Variants in ACOT8 observed in about 807,000 individuals in gnomAD.
ACOT8 encodes the protein acyl-coenzyme A thioesterase 8.
A neutral mutation model predicts 38.4 loss-of-function variants in ACOT8; 31 were observed. That is an observed-to-expected ratio of 0.81 (90% CI 0.61 to 1.09). ACOT8 has a LOEUF of 1.09. Among genes scored for constraint, ACOT8 ranks in the 50% least tolerant of loss-of-function variants. The pLI is 0.00. For synonymous variants in ACOT8, 158 were observed against 170.3 expected (o/e 0.93, Z 0.56); for missense variants, 373 against 421.8 (o/e 0.88, Z 1.01).
intron 3 of ACOT8, 41 bp from the exon 4 acceptor site, chr20:45,844,461 G>C (rs1249534041): frequency 6.2e-7 from 1 of 1,604,130 alleles, no homozygotes; most frequent in South Asian, 1.1e-5. Context: ...GACCCAGGAA[G>C]AGAGGGAGTC....
chr20:45,842,920 A>G, intron 5 of ACOT8: 2 of 1,006,222 alleles, frequency 2.0e-6, no homozygotes, highest in South Asian at 4.1e-5. Flanking sequence ...TCCCTTGGAA[A>G]GGAGGTCAGG....
In ACOT8 at chr20:45,844,417, G is replaced by T. The variant is rs775526179; in HGVS notation, c.492C>A (p.Asp164Glu). 4 of 1,613,702 alleles carry T rather than the reference G, an allele frequency of 2.5e-6. No homozygotes were observed. In the South Asian group the frequency reaches 4.4e-5, roughly 18 times the overall value. The stretch of plus-strand genomic sequence containing the variant: ...ATGGGTACCTCTTTTGGAGGTTAGG[G>T]TCCCTGAAAGTAAAGGGAAGAGGGT... The part of the protein sequence containing the change: ...CETLIDQYLR[D>E]PNLQKRYPLA... Residue 164 changes from aspartate to glutamate, a missense_variant, in exon 4 of 6, where the codon GAC becomes GAA. By Grantham distance (45) the Asp-to-Glu change is conservative (BLOSUM62 2). Transcript: ENST00000217455.
At chr20:45,855,407 A>G in intron 1 of ACOT8, 115 bp from the exon 2 acceptor site, 1 of 1,381,164 alleles carries the variant, frequency 7.2e-7, no homozygotes, top group Non-Finnish European at 9.9e-7. Flanking sequence ...GATCCTTTTG[A>G]GAATATGGTA....
chr20:45,844,398 A>T lies in ACOT8; in HGVS notation c.511T>A (p.Tyr171Asn), dbSNP rs1984520102. ...GCAATTCGGTTGAGCGCCAATGGGT[A>T]CCTCTTTTGGAGGTTAGGGTCCCTG... ...YLRDPNLQKR[Y>N]PLALNRIAAQ... Residue 171 changes from tyrosine (Y) to asparagine (N), a missense_variant, in exon 4 of 6, where the codon TAC becomes AAC. Tyr to Asn is a moderately radical substitution (Grantham distance 143). Transcript: ENST00000217455. 6.2e-7 allele frequency: 1 copy of T among 1,613,702 alleles called. No individual in the cohort carries two copies. Among genetic ancestry groups the T allele is most frequent in the Admixed American group, 1.7e-5 (1 of 59,954 alleles).
intron 4 of ACOT8, chr20:45,843,929 TCAC>T: frequency 9.3e-7 from 1 of 1,069,722 alleles, no homozygotes; most frequent in Non-Finnish European, 1.3e-6. Context: ...AATTCAGTCT[TCAC>T]CACCCAAGTC....
rs765289706 is a variant in ACOT8 at position 45,844,444 on chromosome 20, G to A, written c.489-24C>T. ...CCCTGAAAGTAAAGGGAAGAGGGTC[G>A]GGGTGAGACCCAGGAAGAGAGGGAG... On this transcript the variant is annotated intron_variant, in intron 3 of 5. Transcript: ENST00000217455. The A allele has an allele frequency of 2.2e-5, 35 of 1,611,730 alleles. No individual in the cohort carries two copies. In the Middle Eastern group the frequency reaches 9.9e-4, roughly 46 times the overall value.
intron 5 of ACOT8, chr20:45,842,636 C>A: frequency 1.0e-6 from 1 of 992,964 alleles, no homozygotes; most frequent in Admixed American, 5.6e-5. Context: ...TTGCTGGTTT[C>A]CCTTACACAT....
At chr20:45,856,256 C>T (rs921728901) in intron 1 of ACOT8, among the ~76,000 whole-genome samples, 12 of 150,618 alleles carry the variant, frequency 8.0e-5, no homozygotes, top group Non-Finnish European at 4.4e-5. Flanking sequence ...AGGGCCAGAT[C>T]TTGTCTTCAA....
intron 3 of ACOT8, among the ~76,000 whole-genome samples, chr20:45,847,205 G>A (rs1302655113): frequency 2.0e-5 from 3 of 151,734 alleles, no homozygotes; most frequent in Non-Finnish European, 4.4e-5. Flanking sequence ...GCGAGACTCT[G>A]TCTCAAAACA....
rs1263383725 is a variant in ACOT8, at chr20:45,857,243, T to C, written c.73A>G (p.Ser25Gly). 3 of 1,613,752 alleles carry C rather than the reference T, an allele frequency of 1.9e-6. No homozygotes were observed. The highest frequency in any genetic ancestry group is 1.7e-6 in the Non-Finnish European group (2 of 1,179,986). The change falls in exon 1 of 6, where the codon AGC (serine) becomes GGC (glycine). Residue 25 changes from serine (S) to glycine (G), a missense_variant. By Grantham distance (56) the Ser-to-Gly change is moderately conservative. Coordinates refer to ENST00000217455, the MANE Select transcript of ACOT8 (RefSeq NM_005469.4). ...TTGAGCACGGTCGTGACCAAGACGC[T>C]ACGGAGGTCCCCAGGGGGATCGCCG... ...DRGDPPGDLR[S>G]VLVTTVLNLE...
At chr20:45,846,587 T>C (rs2145764248) in intron 3 of ACOT8, among the ~76,000 whole-genome samples, 1 of 152,248 alleles carries the variant, frequency 6.6e-6, no homozygotes, top group African/African-American at 2.4e-5. Flanking sequence ...GATAGAGACA[T>C]TCTCTCCTTA....
chr20:45,851,383 C>T (rs978471838), intron 2 of ACOT8, among the ~76,000 whole-genome samples: 2 of 152,162 alleles, frequency 1.3e-5, no homozygotes, highest in Admixed American at 1.3e-4. Context: ...CAAAAAAAAA[C>T]CTCTAATCCA....
At chr20:45,844,443 C>A in intron 3 of ACOT8, 23 bp from the exon 4 acceptor site, 1 of 1,612,002 alleles carries the variant, frequency 6.2e-7, no homozygotes, top group East Asian at 2.2e-5. Context: ...GGAAGAGGGT[C>A]GGGGTGAGAC....
chr20:45,843,562 T>C lies in ACOT8; in HGVS notation c.806A>G (p.His269Arg), dbSNP rs775505195. The change falls in exon 5 of 6, where the codon CAC becomes CGC. Residue 269 changes from histidine to arginine, a missense_variant. His to Arg is a conservative substitution (Grantham distance 29). Coordinates refer to ENST00000217455, the MANE Select transcript of ACOT8 (RefSeq NM_005469.4). Reference sequence around the variant, plus strand: ...GCTCTCGCATTCATAGAGCATCCAGTGGTCAGCTCGGAAGGGGGCGTGGAA... The same window carrying C: ...GCTCTCGCATTCATAGAGCATCCAGCGGTCAGCTCGGAAGGGGGCGTGGAA... ...MWFHAPFRAD[H>R]WMLYECESPW... 6.2e-7 allele frequency: 1 copy of C among 1,611,168 alleles called. No homozygotes were observed. Among genetic ancestry groups the C allele is most frequent in the Non-Finnish European group, 8.5e-7 (1 of 1,177,738 alleles).
chr20:45,841,990 T>C lies in ACOT8; in HGVS notation c.842-34A>G, dbSNP rs758055660. 2.5e-6 allele frequency: 4 copies of C among 1,610,270 alleles called. No individual in the cohort carries two copies. The South Asian group carries it at 3.3e-5, about 13-fold the overall frequency. ...GAGGTGAAGGGTGATGATGGCCTGC[T>C]TCAGAACAGCCAAATACACTTTTTT... is the stretch of plus-strand genomic sequence containing the variant. On this transcript the variant is annotated intron_variant, in intron 5 of 5. Transcript: ENST00000217455.
intron 1 of ACOT8, among the ~76,000 whole-genome samples, chr20:45,856,143 G>T (rs1985409191): frequency 6.6e-6 from 1 of 152,052 alleles, no homozygotes; most frequent in Admixed American, 6.6e-5. Flanking sequence ...AAGCGCTTAT[G>T]GTCCCAGCTA....
At chr20:45,843,804 G>A (rs377379443) in intron 4 of ACOT8, 83 bp from the exon 5 acceptor site, 38 of 1,542,486 alleles carry the variant, frequency 2.5e-5, no homozygotes, top group East Asian at 9.3e-5. Context: ...AGGGACTCCC[G>A]TGCATGGGTG....
rs1028060843 is a variant in ACOT8 at position 45,844,251 on chromosome 20, G to A, written c.646+12C>T. On this transcript the variant is annotated intron_variant, in intron 4 of 5. Transcript: ENST00000217455. ...GGAGAGTGGTTTCCTCCCATCCATG[G>A]GGTACTCTTACCAATATAGCCCCGG... 8.1e-6 allele frequency: 13 copies of A among 1,614,090 alleles called. No individual in the cohort carries two copies. The highest frequency in any genetic ancestry group is 1.7e-5 in the Admixed American group (1 of 60,004).
At chr20:45,846,068 G>A (rs1328820417) in intron 3 of ACOT8, among the ~76,000 whole-genome samples, 1 of 152,120 alleles carries the variant, frequency 6.6e-6, no homozygotes, top group East Asian at 1.9e-4. Context: ...TCAAACTCCT[G>A]ACCTTGGGTG....
Sources: allele counts gnomAD v4.1 joint callset (sites outside exome capture counted in the v4.1 genomes callset), GRCh38; gene constraint gnomAD v4.1.1; transcripts MANE v1.5; gene names NCBI Gene and HGNC (gene_info 2026-07-23, HGNC 2026-07-21).